The following CHRNA7 variants were observed in gnomAD, a reference collection of about 807,000 sequenced individuals.
CHRNA7 encodes the protein cholinergic receptor nicotinic alpha 7 subunit.
In CHRNA7, 17 loss-of-function variants were observed where a neutral mutation model predicts 48.0. The ratio of observed to expected loss-of-function variants is 0.35; its 90% CI spans 0.24 to 0.53. The LOEUF (loss-of-function observed/expected upper bound fraction) is 0.53, where lower values mean the gene tolerates loss of function less well. Ranked by LOEUF, CHRNA7 falls within the 20% of genes least tolerant of loss-of-function variation. The pLI is 0.92. For synonymous variants in CHRNA7, 75 were observed against 242.3 expected, an observed-to-expected ratio of 0.31 and a Z score of 6.41; for missense variants, 155 against 577.7, an observed-to-expected ratio of 0.27 and a Z score of 7.50.
chr15:32,148,250 A>G (rs1286870017), intron 4 of CHRNA7, among the ~76,000 whole-genome samples: 4 of 152,160 alleles, frequency 2.6e-5, no homozygotes, highest in South Asian at 4.1e-4. Flanking sequence ...GCAGAGGCTC[A>G]TTCTGGTGAA....
chr15:32,038,283 T>C (rs2141166565), intron 2 of CHRNA7, among the ~76,000 whole-genome samples: 1 of 151,348 alleles, frequency 6.6e-6, no homozygotes, highest in African/African-American at 2.4e-5. Context: ...TACTTAATGA[T>C]ATATATATTT....
chr15:32,114,143 CAGAGAG>C (rs146334906), intron 4 of CHRNA7, among the ~76,000 whole-genome samples: 2 of 143,064 alleles, frequency 1.4e-5, no homozygotes, highest in Admixed American at 7.0e-5. Flanking sequence ...CACACACACA[CAGAGAG>C]AGAGAGAGAG....
chr15:32,047,255 C>G (rs1316682023), intron 2 of CHRNA7, among the ~76,000 whole-genome samples: 1 of 145,824 alleles, frequency 6.9e-6, no homozygotes, highest in African/African-American at 2.6e-5. Context: ...TATAAATTAC[C>G]TTGGGCAGTA....
chr15:32,080,272 A>G (rs1024231659), intron 2 of CHRNA7, among the ~76,000 whole-genome samples: 47 of 152,226 alleles, frequency 3.1e-4, no homozygotes, highest in African/African-American at 1.0e-3. Context: ...GTCAAAATCA[A>G]TTGCAACAAA....
intron 9 of CHRNA7, chr15:32,167,216 C>T (rs1320671590): frequency 6.4e-6 from 1 of 156,620 alleles, no homozygotes; most frequent in Non-Finnish European, 1.4e-5. Context: ...TTAAATAGAT[C>T]AAAACACTTT....
chr15:32,149,022 A>AG lies in CHRNA7; in HGVS notation c.351-4882dup, dbSNP rs2051557636. ...CAGTCACCCCCTCCGTGGTGAGGGT[A>AG]GGGCTCAGAGCTCTCCTCACACCAA... On this transcript the variant is annotated intron_variant, in intron 4 of 9. Coordinates refer to ENST00000306901, the MANE Select transcript of CHRNA7 (RefSeq NM_000746.6). The surrounding 1 kb of genome is among the most constrained non-coding windows in gnomAD (Gnocchi z 4.6). Among the ~76,000 whole-genome samples, 2 of 152,146 alleles carry AG rather than the reference A, an allele frequency of 1.3e-5. No individual in the cohort carries two copies.
At chr15:32,067,652 C>T (rs1297109455) in intron 2 of CHRNA7, among the ~76,000 whole-genome samples, 5 of 152,202 alleles carry the variant, frequency 3.3e-5, no homozygotes, top group African/African-American at 4.8e-5. Flanking sequence ...CTTTTTTTCT[C>T]CTCTCTGATT....
intron 4 of CHRNA7, among the ~76,000 whole-genome samples, chr15:32,136,760 G>A (rs1256503144): frequency 6.6e-6 from 1 of 151,634 alleles, no homozygotes; most frequent in Non-Finnish European, 1.5e-5. Context: ...AGGCCGGCGC[G>A]GTGGCTGACG....
chr15:32,068,049 C>T (rs2049993991), intron 2 of CHRNA7, among the ~76,000 whole-genome samples: 1 of 152,178 alleles, frequency 6.6e-6, no homozygotes, highest in South Asian at 2.1e-4. Context: ...CAGTGGTTCA[C>T]ACCTGTATTT....
chr15:32,039,134 T>TA (rs2049403359), intron 2 of CHRNA7, among the ~76,000 whole-genome samples: 1 of 152,158 alleles, frequency 6.6e-6, no homozygotes, highest in South Asian at 2.1e-4. Context: ...ATTAGTTATT[T>TA]TTGTCCTTTC....
chr15:32,048,372 T>C (rs896725831), intron 2 of CHRNA7, among the ~76,000 whole-genome samples: 2 of 152,228 alleles, frequency 1.3e-5, no homozygotes, highest in African/African-American at 4.8e-5. Context: ...TATTCAGAGA[T>C]TCAACTTCTT....
At chr15:32,071,891 A>G (rs1201659039) in intron 2 of CHRNA7, among the ~76,000 whole-genome samples, 1 of 152,030 alleles carries the variant, frequency 6.6e-6, no homozygotes, top group Admixed American at 6.6e-5. Context: ...AAATGGACTA[A>G]CAGTAAATTG....
chr15:32,030,846 G>A, intron 1 of CHRNA7, 52 bp from the exon 2 acceptor site: 1 of 1,588,460 alleles, frequency 6.3e-7, no homozygotes, highest in East Asian at 2.3e-5. Context: ...GGAGTCGGGG[G>A]TACCCCCGCC....
At chr15:32,145,668 CG>C (rs376038622) in intron 4 of CHRNA7, among the ~76,000 whole-genome samples, 93 of 152,278 alleles carry the variant, frequency 6.1e-4, no homozygotes, top group African/African-American at 2.2e-3. Context: ...CCTCACAGAT[CG>C]ATCACAGACT....
At chr15:32,079,081 G>A (rs1017958886) in intron 2 of CHRNA7, among the ~76,000 whole-genome samples, 3 of 152,112 alleles carry the variant, frequency 2.0e-5, no homozygotes, top group Admixed American at 2.0e-4. Context: ...TGCAGAAAAG[G>A]ACTTTGATAA....
chr15:32,050,738 C>A (rs2049654966), intron 2 of CHRNA7, among the ~76,000 whole-genome samples: 1 of 147,232 alleles, frequency 6.8e-6, no homozygotes, highest in African/African-American at 2.6e-5. Flanking sequence ...TTTAGAGTTT[C>A]CAGTTTTTCT....
rs1407040957 is a variant in CHRNA7, at chr15:32,124,885, AAGG to A, written c.350+12992_350+12994del. Reference sequence around the variant, plus strand: ...TGCTTATTTGGCCATCTGAGGACACAAGGAGGAGATGTGTATCTGCAAACCAGG... The same window carrying A: ...TGCTTATTTGGCCATCTGAGGACACAAGGAGATGTGTATCTGCAAACCAGG... On this transcript the variant is annotated intron_variant, in intron 4 of 9. Transcript: ENST00000306901. Among the ~76,000 whole-genome samples the A allele has an allele frequency of 4.6e-5, 7 of 152,266 alleles. No homozygotes were observed. The South Asian group carries it at 1.0e-3, about 23-fold the overall frequency.
chr15:32,060,132 G>A (rs998933532), intron 2 of CHRNA7, among the ~76,000 whole-genome samples: 1 of 152,062 alleles, frequency 6.6e-6, no homozygotes, highest in Non-Finnish European at 1.5e-5. Context: ...AGAAAATTTG[G>A]CATTAAGCCT....
At chr15:32,069,219 T>A (rs1343851498) in intron 2 of CHRNA7, among the ~76,000 whole-genome samples, 1 of 152,232 alleles carries the variant, frequency 6.6e-6, no homozygotes, top group Non-Finnish European at 1.5e-5. Flanking sequence ...ATATATTTCC[T>A]AAGGGTCAAG....
Sources: allele counts gnomAD v4.1 joint callset (sites outside exome capture counted in the v4.1 genomes callset), GRCh38; gene constraint gnomAD v4.1.1; non-coding constraint Gnocchi (gnomAD v3.1); transcripts MANE v1.5; gene names NCBI Gene and HGNC (gene_info 2026-07-23, HGNC 2026-07-21).